The following PODNL1 variants were observed in gnomAD, a reference collection of about 807,000 sequenced individuals.
The protein encoded by PODNL1 is podocan like 1, also known as podocan-like protein 1.
A neutral mutation model predicts 45.1 loss-of-function variants in PODNL1; 50 were observed. That is an observed-to-expected ratio of 1.11 (90% CI 0.88 to 1.40). The LOEUF (loss-of-function observed/expected upper bound fraction) is 1.40, where lower values mean the gene tolerates loss of function less well. PODNL1 is among the 40% of genes most tolerant of loss of function. The probability of loss-of-function intolerance (pLI) is 0.00; values close to 1 mark genes in which losing one functional copy is unlikely to be tolerated. For synonymous variants in PODNL1, 406 were observed against 372.5 expected, an observed-to-expected ratio of 1.09 and a Z score of -1.04; for missense variants, 788 against 793.3, an observed-to-expected ratio of 0.99 and a Z score of 0.08.
chr19:13,940,597 C>CG (rs1972626837), upstream of PODNL1, among the ~76,000 whole-genome samples: 1 of 92,854 alleles, frequency 1.1e-5, no homozygotes, highest in Non-Finnish European at 2.2e-5. Flanking sequence ...AAAAACTTAG[C>CG]GGGGGCCAGG....
At chr19:13,944,481 A>G (rs534295560) in intron 1 of PODNL1, among the ~76,000 whole-genome samples, 2 of 150,592 alleles carry the variant, frequency 1.3e-5, no homozygotes, top group African/African-American at 4.9e-5. Flanking sequence ...TTATTTTGAG[A>G]CAAAGTCTCT....
chr19:13,952,082 C>T (rs1389478557), intron 1 of PODNL1, among the ~76,000 whole-genome samples: 1 of 152,206 alleles, frequency 6.6e-6, no homozygotes, highest in Non-Finnish European at 1.5e-5. Context: ...GGCCTTTGCC[C>T]ACCTGGACCG....
upstream of PODNL1, among the ~76,000 whole-genome samples, chr19:13,939,533 G>C (rs983754389): frequency 6.6e-6 from 1 of 151,976 alleles, no homozygotes; most frequent in Non-Finnish European, 1.5e-5. Context: ...TTGAGGCCAG[G>C]AATTTGAGAC....
At chr19:13,949,983 C>T (rs1298197683) in intron 1 of PODNL1, among the ~76,000 whole-genome samples, 2 of 152,010 alleles carry the variant, frequency 1.3e-5, no homozygotes, top group Non-Finnish European at 2.9e-5. Flanking sequence ...GCCTCAGCCT[C>T]CCGAGAAGCT....
intron 1 of PODNL1, chr19:13,952,496 G>A: frequency 1.6e-6 from 2 of 1,249,904 alleles, no homozygotes; most frequent in Non-Finnish European, 2.0e-6. Flanking sequence ...CTCCGGAAGT[G>A]GAGGGAGGGG....
Position 13,933,194 on chromosome 19 carries a change from G to T in PODNL1, c.1029C>A (p.Asp343Glu). The part of the protein sequence containing the change: ...HTLHLYGNGL[D>E]RVPPALPRRL... ...GGCGGGGCAGGGCTGGAGGCACGCG[G>T]TCCAGCCCATTGCCATAGAGGTGCA... The change falls in exon 8 of 10, where the codon GAC (aspartate) becomes GAA (glutamate). Residue 343 changes from aspartate (D) to glutamate (E), a missense_variant. Coordinates refer to ENST00000588872, the MANE Select transcript of PODNL1 (RefSeq NM_001370095.3). This position sits in a 1 kb window ranked among gnomAD's most constrained non-coding sequence, Gnocchi z 5.2. 6.5e-7 allele frequency: 1 copy of T among 1,536,372 alleles called. No individual in the cohort carries two copies. The highest frequency in any genetic ancestry group is 8.7e-7 in the Non-Finnish European group (1 of 1,146,434).
rs140001875 is a variant in PODNL1, at chr19:13,934,350, G to A, written c.555C>T (p.Arg185=). ...SNAGLPPDAF[R]GSEAIATLSL... is the part of the protein sequence containing the mutation. ...TGAGGGTGGCGATGGCCTCGGAGCC[G>A]CGGAAGGCGTCGGGGGGCAGGCCAG... The change falls in exon 6 of 10, where the codon CGC becomes CGT. Residue 185 remains arginine, a synonymous_variant. Transcript: ENST00000588872. The A allele has an allele frequency of 1.3e-4, 205 of 1,556,452 alleles. 1 individual carries two copies. The highest frequency in any genetic ancestry group is 3.4e-4 in the African/African-American group (25 of 74,092).
Position 13,932,902 on chromosome 19 carries a change from G to C in PODNL1, c.1321C>G (p.Pro441Ala). 7 of 1,593,790 alleles carry C rather than the reference G, an allele frequency of 4.4e-6. No individual in the cohort carries two copies. The highest frequency in any genetic ancestry group is 6.0e-6 in the Non-Finnish European group (7 of 1,171,470). Residue 441 changes from proline to alanine, a missense_variant, in exon 8 of 10, where the codon CCT (proline) becomes GCT (alanine). Coordinates refer to ENST00000588872, the MANE Select transcript of PODNL1 (RefSeq NM_001370095.3). ...CGCAGTTGGTCCAGGCCGGCCAGAG[G>C]CTCGGGCTCGAGCATCCGCAGCTGG... is the stretch of plus-strand genomic sequence containing the variant. The part of the protein sequence containing the change: ...RNQLRMLEPE[P>A]LAGLDQLREL...
Position 13,931,867 on chromosome 19 carries a change from G to C in PODNL1, c.1595C>G (p.Thr532Arg). The change falls in exon 10 of 10, where the codon ACG becomes AGG. Residue 532 changes from threonine to arginine, a missense_variant. Thr to Arg is a moderately conservative substitution (Grantham distance 71). This residue lies in a region of PODNL1 where 762 missense variants were observed against 750.9 expected (regional missense o/e 1.01). Coordinates refer to ENST00000588872, the MANE Select transcript of PODNL1 (RefSeq NM_001370095.3). ...CAGGAAGGCCTCAGCCGCGATGCTC[G>C]TCATGTGAAGCCTGTTGGCCCTGCA... ...LFLRANRLHM[T>R]SIAAEAFLGL... 8.1e-7 allele frequency: 1 copy of C among 1,232,014 alleles called. No individual in the cohort carries two copies. The highest frequency in any genetic ancestry group is 1.0e-6 in the Non-Finnish European group (1 of 987,948). 76.3% of individuals were successfully genotyped at this position (1,232,014 alleles called of 1,614,324 possible). A position where few individuals can be genotyped will look rare whatever the true frequency, so the allele number is the denominator to read the frequency against.
intron 1 of PODNL1, among the ~76,000 whole-genome samples, chr19:13,951,839 T>G (rs929840580): frequency 1.3e-5 from 2 of 152,212 alleles, no homozygotes; most frequent in African/African-American, 4.8e-5. Context: ...ACAATTATTT[T>G]TATTGCTATG....
At chr19:13,931,919 G>A in intron 9 of PODNL1, 32 bp from the exon 10 acceptor site, 2 of 1,232,124 alleles carry the variant, frequency 1.6e-6, no homozygotes, top group Non-Finnish European at 2.0e-6. Flanking sequence ...ACCCTCCCAG[G>A]CCCTCCCCTG....
At chr19:13,932,759 G>A in intron 8 of PODNL1, 39 bp downstream of exon 8, 1 of 1,612,756 alleles carries the variant, frequency 6.2e-7, no homozygotes. Flanking sequence ...GGGATGGAGG[G>A]GCCCTGGGGA....
Position 13,933,391 on chromosome 19 carries a change from G to A in PODNL1, c.832C>T (p.Leu278=), listed in dbSNP as rs371819749. The A allele has an allele frequency of 4.4e-6, 7 of 1,605,160 alleles. No homozygotes were observed. Among genetic ancestry groups the A allele is most frequent in the Non-Finnish European group, 5.9e-6 (7 of 1,177,924 alleles). The change falls in exon 8 of 10, where the codon CTG becomes TTG. Residue 278 remains leucine (L), a synonymous_variant. Coordinates refer to ENST00000588872, the MANE Select transcript of PODNL1 (RefSeq NM_001370095.3). This position sits in a 1 kb window ranked among gnomAD's most constrained non-coding sequence, Gnocchi z 5.2. ...TGCAGGATAGCCAGGGTCCGGGGCA[G>A]GCCGGCGGGCACTGTGGTCAGCTGG... is the stretch of plus-strand genomic sequence containing the variant. The part of the protein sequence containing the change: ...HNQLTTVPAG[L]PRTLAILHLG...
chr19:13,942,463 G>A (rs1403101989), upstream of PODNL1, among the ~76,000 whole-genome samples: 1 of 152,146 alleles, frequency 6.6e-6, no homozygotes, highest in Non-Finnish European at 1.5e-5. Flanking sequence ...TGATTGGCTA[G>A]GAACCTAACC....
Position 13,935,731 on chromosome 19 carries a change from G to T in PODNL1, c.484C>A (p.Pro162Thr). ...TGGGCCAGGGTCTACCTGAGTGCCG[G>T]CTTCTCCCCAAAGGTGAGGGGGAAG... ...EIFPLTFGEK[P>T]ALRSVYLHNN... The change falls in exon 5 of 10, where the codon CCG becomes ACG. Residue 162 changes from proline to threonine, a missense_variant. This residue lies in a region of PODNL1 where 762 missense variants were observed against 750.9 expected (regional missense o/e 1.01). Transcript: ENST00000588872. 2 of 1,569,258 alleles carry T rather than the reference G, an allele frequency of 1.3e-6. No individual in the cohort carries two copies. Among genetic ancestry groups the T allele is most frequent in the African/African-American group, 1.4e-5 (1 of 72,802 alleles).
chr19:13,932,962 G>T lies in PODNL1; in HGVS notation c.1261C>A (p.Pro421Thr). 1 of 1,557,946 alleles carries T rather than the reference G, an allele frequency of 6.4e-7. No homozygotes were observed. Residue 421 changes from proline (P) to threonine (T), a missense_variant, in exon 8 of 10, where the codon CCC (proline) becomes ACC (threonine). Transcript: ENST00000588872. ...AGCTGCAGGGTGCGCAGGCCAGTGGGCAGGCCCATGGGCAGCCGGGTTAGC... is the reference window on the plus strand; with the variant it reads ...AGCTGCAGGGTGCGCAGGCCAGTGGTCAGGCCCATGGGCAGCCGGGTTAGC... ...NQLTRLPMGL[P>T]TGLRTLQLQR...
chr19:13,933,140 G>A lies in PODNL1; in HGVS notation c.1083C>T (p.Asn361=), dbSNP rs1972076852. The stretch of plus-strand genomic sequence containing the variant: ...CACGGGCACCCAGCGCGGCCACGTG[G>A]TTGTGGGGCAGCACCAGGGCACGCA... ...RRLRALVLPH[N]HVAALGARDL... is the part of the protein sequence containing the mutation. The change falls in exon 8 of 10, where the codon AAC becomes AAT. Residue 361 remains asparagine, a synonymous_variant. Transcript: ENST00000588872. This position sits in a 1 kb window ranked among gnomAD's most constrained non-coding sequence, Gnocchi z 5.2. 6.5e-7 allele frequency: 1 copy of A among 1,529,530 alleles called. No homozygotes were observed. Among genetic ancestry groups the A allele is most frequent in the Non-Finnish European group, 8.7e-7 (1 of 1,143,076 alleles). 94.7% of individuals were successfully genotyped at this position (1,529,530 alleles called of 1,614,324 possible).
chr19:13,935,349 C>T (rs1972271903), intron 5 of PODNL1, among the ~76,000 whole-genome samples: 1 of 152,088 alleles, frequency 6.6e-6, no homozygotes, highest in Non-Finnish European at 1.5e-5. Context: ...AATTTTGAGA[C>T]AGAGTCTCAC....
upstream of PODNL1, chr19:13,938,571 A>T: frequency 6.9e-6 from 4 of 579,258 alleles, no homozygotes; most frequent in Non-Finnish European, 8.9e-6. Context: ...GTGGGGATGG[A>T]GGGATGGGGG....
Sources: gnomAD v4.1 joint callset for allele counts (sites outside exome capture counted in the v4.1 genomes callset) on GRCh38, gnomAD v4.1.1 for gene constraint, gnomAD v4.1.1 regional missense constraint, Gnocchi (gnomAD v3.1) non-coding constraint, MANE v1.5 for transcripts, NCBI Gene and HGNC (gene_info 2026-07-23, HGNC 2026-07-21) for gene names.